SLCO3A1: variants seen among roughly 807,000 people sequenced by gnomAD.
SLCO3A1 encodes the protein PGE1 transporter.
SLCO3A1 carries 27 observed loss-of-function variants against 63.1 expected under a neutral mutation model. The observed-to-expected ratio is 0.43, with a 90% CI of 0.32 to 0.59. The LOEUF (loss-of-function observed/expected upper bound fraction) is 0.59, where lower values mean the gene tolerates loss of function less well. SLCO3A1 is among the 20% of genes least tolerant of loss of function. The pLI is 0.09. For missense variants in SLCO3A1, 773 were observed against 945.8 expected (o/e 0.82, Z 2.40); for synonymous variants, 473 against 409.9 (o/e 1.15, Z -1.86).
chr15:91,923,822 C>A (rs564639023), intron 2 of SLCO3A1, among the ~76,000 whole-genome samples: 1 of 152,268 alleles, frequency 6.6e-6, no homozygotes, highest in South Asian at 2.1e-4. Context: ...TATCAGTTGG[C>A]ATATTATAAA....
In SLCO3A1 at chr15:91,916,097, C is replaced by A; in HGVS notation, c.285C>A (p.Phe95Leu). The part of the protein sequence containing the change: ...FEIGNLALIL[F>L]VSYFGARGHR... ...TCGGGAACCTGGCGCTCATCCTCTT[C>A]GTGAGCTACTTCGGGGCACGCGGGC... The change falls in exon 2 of 10, where the codon TTC becomes TTA. Residue 95 changes from phenylalanine (F) to leucine (L), a missense_variant. Phe to Leu is a conservative substitution (Grantham distance 22, BLOSUM62 0). Around this residue, in one of 3 missense-constraint regions of SLCO3A1, gnomAD observed 565 missense variants for 749.8 expected, o/e 0.75. Transcript: ENST00000318445. The surrounding 1 kb of genome is among the most constrained non-coding windows in gnomAD (Gnocchi z 6.2). The A allele has an allele frequency of 6.2e-7, 1 of 1,612,698 alleles. No individual in the cohort carries two copies. The highest frequency in any genetic ancestry group is 8.5e-7 in the Non-Finnish European group (1 of 1,179,856).
chr15:91,936,155 A>AT (rs1899406618), intron 2 of SLCO3A1, among the ~76,000 whole-genome samples: 1 of 152,206 alleles, frequency 6.6e-6, no homozygotes, highest in Non-Finnish European at 1.5e-5. Context: ...TGCTGTAACG[A>AT]TTATAGGAAG....
intron 2 of SLCO3A1, among the ~76,000 whole-genome samples, chr15:92,036,359 C>CTTTTT (rs768649802): frequency 4.0e-5 from 2 of 50,358 alleles, no homozygotes; most frequent in Admixed American, 3.5e-4. Flanking sequence ...CTGAGGTTTT[C>CTTTTT]TTTTTTTTTT....
In SLCO3A1 at chr15:91,884,511, CAAAAAA is replaced by C. The variant is rs776448274; in HGVS notation, c.180+30437_180+30442del. On this transcript the variant is annotated intron_variant, in intron 1 of 9. Coordinates refer to ENST00000318445, the MANE Select transcript of SLCO3A1 (RefSeq NM_013272.4). ...TGGGCAACAGAGTGAGATTCTGTCT[CAAAAAA>C]AAAAAAAAAAAAAGGTGGAGGGGAG... Among the ~76,000 whole-genome samples the C allele has an allele frequency of 7.8e-5, 8 of 102,332 alleles. 1 individual carries two copies. The highest frequency in any genetic ancestry group is 3.4e-4 in the South Asian group (1 of 2,968). The allele number at this position is 102,332 out of a possible 152,430, so 67.1% of individuals were successfully genotyped here.
rs1476156261 is a variant in SLCO3A1 at position 91,862,009 on chromosome 15, GC to G, written c.180+7924del. Among the ~76,000 whole-genome samples, 2 of 151,926 alleles carry G rather than the reference GC, an allele frequency of 1.3e-5. No homozygotes were observed. Among genetic ancestry groups the G allele is most frequent in the Non-Finnish European group, 1.5e-5 (1 of 67,986 alleles). ...AAGTGTGAACTCATCTTTCCCTTTTGCCCTCATGATTTCCTTTATAAATACC... is the reference window on the plus strand; with the variant it reads ...AAGTGTGAACTCATCTTTCCCTTTTGCCTCATGATTTCCTTTATAAATACC... On this transcript the variant is annotated intron_variant, in intron 1 of 9. Transcript: ENST00000318445. The surrounding 1 kb of genome is among the most constrained non-coding windows in gnomAD (Gnocchi z 4.0).
chr15:91,901,448 T>C (rs1464269852), intron 1 of SLCO3A1, among the ~76,000 whole-genome samples: 1 of 152,254 alleles, frequency 6.6e-6, no homozygotes, highest in African/African-American at 2.4e-5. Context: ...TTTATTAATG[T>C]ATATCTTAGT....
chr15:91,891,997 CT>C (rs1408837291), intron 1 of SLCO3A1, among the ~76,000 whole-genome samples: 1 of 152,208 alleles, frequency 6.6e-6, no homozygotes, highest in African/African-American at 2.4e-5. Context: ...ATGTGGACCC[CT>C]GTCCTAGATA....
At position 91,926,596 on chromosome 15, in the gene SLCO3A1, T is replaced by TGCGC. The variant is rs141222641; in HGVS notation, c.646+10145_646+10148dup. The stretch of plus-strand genomic sequence containing the variant: ...GTGTGTGTGTGTGTGTGTGTGTGTG[T>TGCGC]GCGCGCGCGCACGCCCATGCTTATT... On this transcript the variant is annotated intron_variant, in intron 2 of 9. Transcript: ENST00000318445. 3.2e-3 allele frequency among the ~76,000 whole-genome samples: 336 copies of TGCGC among 105,280 alleles called. 3 individuals are homozygous for TGCGC. The highest frequency in any genetic ancestry group is 5.7e-3 in the African/African-American group (156 of 27,386). 69.1% of individuals were successfully genotyped at this position (105,280 alleles called of 152,430 possible).
In SLCO3A1 at chr15:91,947,674, A is replaced by G. The variant is rs527663521; in HGVS notation, c.646+31216A>G. Among the ~76,000 whole-genome samples the G allele has an allele frequency of 9.2e-5, 14 of 152,330 alleles. No individual in the cohort carries two copies. The South Asian group carries it at 2.7e-3, about 29-fold the overall frequency. On this transcript the variant is annotated intron_variant, in intron 2 of 9. Transcript: ENST00000318445. ...TTAAAAATGTGAGTTAGTTCCCGACATTCACTCTGGATCTAGGCTTCTCCT... is the reference window on the plus strand; with the variant it reads ...TTAAAAATGTGAGTTAGTTCCCGACGTTCACTCTGGATCTAGGCTTCTCCT...
chr15:91,904,100 C>T (rs1431574035), intron 1 of SLCO3A1, among the ~76,000 whole-genome samples: 1 of 152,190 alleles, frequency 6.6e-6, no homozygotes, highest in Non-Finnish European at 1.5e-5. Context: ...AGGTGCCCCA[C>T]AGCACATGCC....
At chr15:91,920,354 A>G (rs946759221) in intron 2 of SLCO3A1, among the ~76,000 whole-genome samples, 2 of 152,198 alleles carry the variant, frequency 1.3e-5, no homozygotes, top group South Asian at 4.1e-4. Flanking sequence ...TGGGCATACA[A>G]ATTGCAGCAG....
At chr15:91,956,568 G>A (rs1175240860) in intron 2 of SLCO3A1, among the ~76,000 whole-genome samples, 1 of 152,040 alleles carries the variant, frequency 6.6e-6, no homozygotes, top group Non-Finnish European at 1.5e-5. Context: ...AGCCTTGTCT[G>A]AGCAAGCAGA....
chr15:92,051,679 C>T (rs1018836080), intron 2 of SLCO3A1, among the ~76,000 whole-genome samples: 5 of 152,100 alleles, frequency 3.3e-5, no homozygotes, highest in African/African-American at 1.2e-4. Flanking sequence ...TGAACAGCTA[C>T]GTGACCGTCT....
chr15:92,100,667 C>G (rs2047594939), intron 3 of SLCO3A1, among the ~76,000 whole-genome samples: 1 of 152,190 alleles, frequency 6.6e-6, no homozygotes, highest in South Asian at 2.1e-4. Context: ...TTTGCTATGC[C>G]AAGCCTGCCT....
At chr15:92,114,256 C>T (rs987719713) in intron 4 of SLCO3A1, among the ~76,000 whole-genome samples, 3 of 152,082 alleles carry the variant, frequency 2.0e-5, no homozygotes, top group African/African-American at 7.2e-5. Flanking sequence ...TTTCTGTTGC[C>T]TCAGTTAGTG....
At chr15:91,983,290 G>T (rs935467207) in intron 2 of SLCO3A1, among the ~76,000 whole-genome samples, 4 of 152,158 alleles carry the variant, frequency 2.6e-5, no homozygotes, top group Admixed American at 1.3e-4. Flanking sequence ...TAACAAGAAG[G>T]CTTGGTGCAT....
At chr15:91,959,183 A>G (rs1273743360) in intron 2 of SLCO3A1, among the ~76,000 whole-genome samples, 2 of 152,104 alleles carry the variant, frequency 1.3e-5, no homozygotes, top group East Asian at 1.9e-4. Context: ...AAAACCAAAT[A>G]CCATACGTTC....
chr15:91,930,305 G>A (rs1297776899), intron 2 of SLCO3A1, among the ~76,000 whole-genome samples: 1 of 152,128 alleles, frequency 6.6e-6, no homozygotes, highest in Non-Finnish European at 1.5e-5. Flanking sequence ...GAGTTTCACT[G>A]TGCCCAATCC....
chr15:92,116,238 G>A lies in SLCO3A1; in HGVS notation c.1010-4227G>A, dbSNP rs1415420340. Among the ~76,000 whole-genome samples the A allele has an allele frequency of 2.6e-5, 4 of 152,192 alleles. No homozygotes were observed. In the South Asian group the frequency reaches 6.2e-4, roughly 24 times the overall value. Reference sequence around the variant, plus strand: ...TGCACAAAGGAAATGCTCTGTCAACGTTAGTTTTCATGACTCCTCCAAAAT... The same window carrying A: ...TGCACAAAGGAAATGCTCTGTCAACATTAGTTTTCATGACTCCTCCAAAAT... On this transcript the variant is annotated intron_variant, in intron 4 of 9. Coordinates refer to ENST00000318445, the MANE Select transcript of SLCO3A1 (RefSeq NM_013272.4).
Sources: allele counts gnomAD v4.1 joint callset (sites outside exome capture counted in the v4.1 genomes callset), GRCh38; gene constraint gnomAD v4.1.1; regional missense constraint gnomAD v4.1.1; non-coding constraint Gnocchi (gnomAD v3.1); transcripts MANE v1.5; gene names NCBI Gene and HGNC (gene_info 2026-07-23, HGNC 2026-07-21).